The following NRG4 variants were observed in gnomAD, a reference collection of about 807,000 sequenced individuals.
The protein encoded by NRG4 is pro-neuregulin-4, membrane-bound isoform.
In NRG4, 10 loss-of-function variants were observed where a neutral mutation model predicts 15.0. The ratio of observed to expected loss-of-function variants is 0.67; its 90% CI spans 0.41 to 1.13. The LOEUF (loss-of-function observed/expected upper bound fraction) is 1.13, where lower values mean the gene tolerates loss of function less well. NRG4 is among the 50% of genes most tolerant of loss of function. NRG4 has a pLI of 0.00. For missense variants in NRG4, 139 were observed against 140.2 expected, an observed-to-expected ratio of 0.99 and a Z score of 0.04; for synonymous variants, 41 against 50.1, an observed-to-expected ratio of 0.82 and a Z score of 0.77.
intron 3 of NRG4, among the ~76,000 whole-genome samples, chr15:75,996,123 C>T (rs1405565155): frequency 6.6e-6 from 1 of 152,140 alleles, no homozygotes; most frequent in African/African-American, 2.4e-5. Flanking sequence ...AGTTATATAT[C>T]ATCATACATT....
chr15:75,990,681 T>G (rs1028923109), intron 3 of NRG4, among the ~76,000 whole-genome samples: 18 of 145,054 alleles, frequency 1.2e-4, no homozygotes, highest in African/African-American at 2.6e-4. Flanking sequence ...GTTTTTTTTT[T>G]TTGTTTTTTT....
chr15:76,013,510 C>T (rs1458062469), upstream of NRG4, among the ~76,000 whole-genome samples: 1 of 152,086 alleles, frequency 6.6e-6, no homozygotes, highest in Non-Finnish European at 1.5e-5. Context: ...CCCCCCACCC[C>T]GACAGGCCCT....
intron 4 of NRG4, among the ~76,000 whole-genome samples, chr15:75,956,511 T>A (rs1006448525): frequency 3.8e-5 from 1 of 26,394 alleles, no homozygotes; most frequent in African/African-American, 4.7e-5. Context: ...AGGTTATGAT[T>A]TATGTTATGA....
At chr15:76,057,051 C>T (rs1270952345) in intron 1 of NRG4, 1 of 152,140 alleles carries the variant, frequency 6.6e-6, no homozygotes, top group Non-Finnish European at 1.5e-5. Context: ...AAGCTTAAAC[C>T]CACAGTTCCA....
intron 3 of NRG4, among the ~76,000 whole-genome samples, chr15:75,991,770 A>G (rs1303090561): frequency 6.6e-6 from 1 of 152,044 alleles, no homozygotes; most frequent in East Asian, 1.9e-4. Flanking sequence ...TATATGTACC[A>G]TTTATGATTG....
rs933388769 is a variant in NRG4, at chr15:76,050,813, T to C, written c.-105+1254A>G. Reference sequence around the variant, plus strand: ...ACTCCTGTTCTCCAAAACTAATTTTTTTTTTTTTAAGATATGGGGTCTCAG... The same window carrying C: ...ACTCCTGTTCTCCAAAACTAATTTTCTTTTTTTTAAGATATGGGGTCTCAG... On this transcript the variant is annotated intron_variant, in intron 4 of 8. Transcript: ENST00000563910. Among the ~76,000 whole-genome samples the C allele has an allele frequency of 2.0e-5, 3 of 147,698 alleles. 1 individual carries two copies. Among genetic ancestry groups the C allele is most frequent in the African/African-American group, 7.7e-5 (3 of 38,902 alleles).
chr15:75,987,634 T>A (rs1169862774), intron 3 of NRG4, among the ~76,000 whole-genome samples: 1 of 152,182 alleles, frequency 6.6e-6, no homozygotes, highest in African/African-American at 2.4e-5. Context: ...CACCACCAAC[T>A]GAATCAGCTA....
intron 3 of NRG4, among the ~76,000 whole-genome samples, chr15:75,978,345 C>T (rs542449136): frequency 4.6e-5 from 7 of 152,222 alleles, no homozygotes; most frequent in South Asian, 4.2e-4. Context: ...TAATGACCTA[C>T]GGCTCCATTC....
At position 76,056,436 on chromosome 15, in the gene NRG4, C is replaced by A. The variant is rs28568467; in HGVS notation, c.-262+518G>T. Among the ~76,000 whole-genome samples, 1,364 of 151,166 alleles carry A rather than the reference C, an allele frequency of 9.0e-3. 18 individuals are homozygous for A. Among genetic ancestry groups the A allele is most frequent in the African/African-American group, 0.032 (1,332 of 41,296 alleles). On this transcript the variant is annotated intron_variant, in intron 2 of 8. Coordinates refer to the NRG4 transcript ENST00000563910. ...TTGCGCCATTGCACTCCAGCCTGGACAACAAGAGCGAAACTCCGTCTCAAA... is the reference window on the plus strand; with the variant it reads ...TTGCGCCATTGCACTCCAGCCTGGAAAACAAGAGCGAAACTCCGTCTCAAA...
At chr15:76,044,486 T>C (rs1429120167) in intron 4 of NRG4, among the ~76,000 whole-genome samples, 2 of 150,460 alleles carry the variant, frequency 1.3e-5, no homozygotes, top group African/African-American at 5.0e-5. Context: ...GATGTCAAAC[T>C]ATGAAACTAC....
chr15:75,963,633 C>T (rs1376078813), intron 3 of NRG4, among the ~76,000 whole-genome samples: 1 of 152,088 alleles, frequency 6.6e-6, no homozygotes, highest in Admixed American at 6.6e-5. Context: ...CAAAAATTAT[C>T]TGGGTGTGGT....
intron 5 of NRG4, among the ~76,000 whole-genome samples, chr15:76,031,465 A>G (rs2035469963): frequency 1.3e-5 from 2 of 152,220 alleles, no homozygotes; most frequent in African/African-American, 4.8e-5. Context: ...AGGCAGGTGG[A>G]TCATCTGAGG....
At chr15:75,996,193 A>T (rs1304614589) in intron 3 of NRG4, among the ~76,000 whole-genome samples, 1 of 152,172 alleles carries the variant, frequency 6.6e-6, no homozygotes, top group Admixed American at 6.5e-5. Context: ...TAAATAAATA[A>T]GAATGCTTAC....
intron 3 of NRG4, among the ~76,000 whole-genome samples, chr15:75,974,375 CTCTGA>C (rs2033264687): frequency 1.3e-5 from 2 of 152,094 alleles, no homozygotes; most frequent in South Asian, 4.1e-4. Flanking sequence ...TTCTGTTCTG[CTCTGA>C]TCTTAGTTAT....
chr15:76,025,869 T>A (rs2035302281), intron 5 of NRG4, among the ~76,000 whole-genome samples: 1 of 151,646 alleles, frequency 6.6e-6, no homozygotes, highest in Non-Finnish European at 1.5e-5. Flanking sequence ...AGAGTGAGAC[T>A]TTGTCTCAAA....
chr15:76,009,733 A>T (rs915554620), intron 2 of NRG4, among the ~76,000 whole-genome samples: 2 of 152,174 alleles, frequency 1.3e-5, no homozygotes, highest in Non-Finnish European at 2.9e-5. Context: ...CAGCTGGTAA[A>T]GGATTTAGAT....
intron 4 of NRG4, among the ~76,000 whole-genome samples, chr15:76,039,959 G>C (rs770911704): frequency 1.3e-5 from 2 of 152,012 alleles, no homozygotes; most frequent in African/African-American, 4.8e-5. Flanking sequence ...ATTTGAACCC[G>C]GAGGCAGAGG....
At chr15:75,964,799 G>T (rs1044425262) in intron 3 of NRG4, among the ~76,000 whole-genome samples, 1 of 152,016 alleles carries the variant, frequency 6.6e-6, no homozygotes, top group African/African-American at 2.4e-5. Context: ...GGTGGCCCAC[G>T]CCTGTAGTCA....
chr15:76,031,406 G>T (rs544814360), intron 5 of NRG4, among the ~76,000 whole-genome samples: 1 of 152,234 alleles, frequency 6.6e-6, no homozygotes, highest in Admixed American at 6.5e-5. Context: ...TAAAAATTGG[G>T]GCTGGGCACA....
Sources: allele counts gnomAD v4.1 joint callset (sites outside exome capture counted in the v4.1 genomes callset), GRCh38; gene constraint gnomAD v4.1.1; transcripts MANE v1.5; gene names NCBI Gene and HGNC (gene_info 2026-07-23, HGNC 2026-07-21).